Variants in IGSF11 observed in about 807,000 individuals in gnomAD.
IGSF11 encodes immunoglobulin superfamily member 11.
Under a neutral mutation model 41.0 loss-of-function variants are expected in IGSF11, and 22 were observed. The ratio of observed to expected loss-of-function variants is 0.54; its 90% CI spans 0.38 to 0.77. The LOEUF (loss-of-function observed/expected upper bound fraction) is 0.77. Ranked by LOEUF, IGSF11 falls within the 30% of genes least tolerant of loss-of-function variation. The probability of loss-of-function intolerance (pLI) is 0.00; values close to 1 mark genes in which losing one functional copy is unlikely to be tolerated. For missense variants in IGSF11, 444 were observed against 530.8 expected (o/e 0.84, Z 1.61); for synonymous variants, 219 against 201.3 (o/e 1.09, Z -0.74).
chr3:118,914,599 G>T (rs1436856138), intron 4 of IGSF11, among the ~76,000 whole-genome samples: 1 of 150,152 alleles, frequency 6.7e-6, no homozygotes, highest in Non-Finnish European at 1.5e-5. Context: ...TGGCTCGGAG[G>T]GTCCTACGCC....
At chr3:119,083,987 T>G (rs1479031969) in intron 1 of IGSF11, among the ~76,000 whole-genome samples, 1 of 152,072 alleles carries the variant, frequency 6.6e-6, no homozygotes, top group Non-Finnish European at 1.5e-5. Flanking sequence ...GACCTTCCAG[T>G]GAGACAAAAT....
At chr3:119,032,725 A>C (rs1345042742) in intron 1 of IGSF11, among the ~76,000 whole-genome samples, 2 of 152,240 alleles carry the variant, frequency 1.3e-5, no homozygotes, top group African/African-American at 4.8e-5. Context: ...TTTTCCAAGA[A>C]GTCTTACTTG....
chr3:119,109,375 G>A (rs577729618), upstream of IGSF11, among the ~76,000 whole-genome samples: 50 of 151,942 alleles, frequency 3.3e-4, no homozygotes, highest in South Asian at 2.1e-3. Context: ...GTTTATTTGC[G>A]TAGAGGTGTT....
chr3:118,921,693 C>A (rs369794402), intron 4 of IGSF11, among the ~76,000 whole-genome samples: 2 of 152,106 alleles, frequency 1.3e-5, no homozygotes, highest in South Asian at 2.1e-4. Flanking sequence ...TCCACTGTCT[C>A]CAGAACTTAC....
At chr3:118,998,272 T>C (rs1576592908) in intron 1 of IGSF11, among the ~76,000 whole-genome samples, 1 of 152,144 alleles carries the variant, frequency 6.6e-6, no homozygotes, top group East Asian at 1.9e-4. Flanking sequence ...GATTTACACT[T>C]GGTTTTAAAT....
intron 1 of IGSF11, among the ~76,000 whole-genome samples, chr3:118,951,480 G>A (rs773727256): frequency 1.3e-5 from 2 of 152,092 alleles, no homozygotes; most frequent in Non-Finnish European, 1.5e-5. Flanking sequence ...CCTACAAAAT[G>A]TGGTAATATT....
chr3:119,079,148 A>G (rs1290120542), intron 1 of IGSF11, among the ~76,000 whole-genome samples: 1 of 152,158 alleles, frequency 6.6e-6, no homozygotes, highest in Non-Finnish European at 1.5e-5. Context: ...ACCTGAGGTC[A>G]GGAGTTGGAG....
At chr3:119,129,076 C>T (rs187236929) in intron 1 of IGSF11, among the ~76,000 whole-genome samples, 2 of 152,216 alleles carry the variant, frequency 1.3e-5, no homozygotes, top group East Asian at 1.9e-4. Context: ...AACCAAACAC[C>T]GCATATTCTC....
chr3:118,924,988 C>T (rs1259422537), intron 4 of IGSF11, among the ~76,000 whole-genome samples: 1 of 152,094 alleles, frequency 6.6e-6, no homozygotes. Flanking sequence ...AATCATTCCA[C>T]AAAAGCAGCT....
intron 1 of IGSF11, among the ~76,000 whole-genome samples, chr3:119,060,024 T>C (rs1282988468): frequency 6.6e-6 from 1 of 152,206 alleles, no homozygotes; most frequent in East Asian, 1.9e-4. Context: ...TGCCAGGAGC[T>C]GTCCAGTGAG....
At position 118,900,716 on chromosome 3, in the gene IGSF11, T is replaced by G. The variant is rs1056582334; in HGVS notation, c.*1804A>C. ...TAAATGCTTTCTAAACAGCATCTGA[T>G]AGCATCATCTTTTCAGTGTCATGGT... On this transcript the variant is annotated 3_prime_UTR_variant, in exon 7 of 7. Transcript: ENST00000393775. 6.6e-6 allele frequency: 1 copy of G among 152,610 alleles called. No individual in the cohort carries two copies. Among genetic ancestry groups the G allele is most frequent in the African/African-American group, 2.4e-5 (1 of 41,458 alleles). The allele number at this position is 152,610 out of a possible 1,614,324, so 9.5% of individuals were successfully genotyped here. A position where few individuals can be genotyped will look rare whatever the true frequency, so the allele number is the denominator to read the frequency against.
chr3:118,979,834 C>T (rs1348098405), intron 1 of IGSF11, among the ~76,000 whole-genome samples: 1 of 151,950 alleles, frequency 6.6e-6, no homozygotes, highest in Non-Finnish European at 1.5e-5. Flanking sequence ...ATATTAATAG[C>T]ATGTAAAAAG....
At chr3:119,070,980 G>A (rs1427914697) in intron 1 of IGSF11, among the ~76,000 whole-genome samples, 1 of 152,158 alleles carries the variant, frequency 6.6e-6, no homozygotes, top group Non-Finnish European at 1.5e-5. Context: ...CCTACAGTAG[G>A]TAGAGAACAG....
At chr3:119,122,985 T>C (rs1417315103) in intron 1 of IGSF11, among the ~76,000 whole-genome samples, 2 of 152,178 alleles carry the variant, frequency 1.3e-5, no homozygotes, top group East Asian at 1.9e-4. Flanking sequence ...AAAGGGGACT[T>C]TGGCTTGCAT....
At chr3:119,088,053 T>C (rs1378764854) in intron 1 of IGSF11, among the ~76,000 whole-genome samples, 1 of 152,014 alleles carries the variant, frequency 6.6e-6, no homozygotes, top group Non-Finnish European at 1.5e-5. Flanking sequence ...GACTTAAACT[T>C]GACACTTGAT....
chr3:118,957,540 T>C (rs1024836904), intron 1 of IGSF11, among the ~76,000 whole-genome samples: 1 of 152,230 alleles, frequency 6.6e-6, no homozygotes, highest in African/African-American at 2.4e-5. Flanking sequence ...TATTCTCTTA[T>C]CAGAATCAAA....
rs773904519 is a variant in IGSF11 at position 118,909,632 on chromosome 3, G to A, written c.581-3914C>T. On this transcript the variant is annotated intron_variant, in intron 4 of 6. Transcript: ENST00000393775. ...GGGAAAGAACCTGTTCCCATTAATA[G>A]AATTTCCAAGGGCACCGTCCAGATG... 2.0e-5 allele frequency among the ~76,000 whole-genome samples: 3 copies of A among 152,346 alleles called. No homozygotes were observed. The South Asian group carries it at 6.2e-4, about 32-fold the overall frequency.
chr3:118,980,386 C>T (rs1934590984), intron 1 of IGSF11, among the ~76,000 whole-genome samples: 1 of 152,134 alleles, frequency 6.6e-6, no homozygotes, highest in South Asian at 2.1e-4. Flanking sequence ...ACAGATGGAA[C>T]TGTAAGTCAT....
At chr3:119,094,874 A>G (rs372171400) in intron 1 of IGSF11, among the ~76,000 whole-genome samples, 46 of 151,964 alleles carry the variant, frequency 3.0e-4, no homozygotes, top group African/African-American at 1.1e-3. Context: ...CTTTCACCAC[A>G]TTGGCCAGGC....
Sources: allele counts gnomAD v4.1 joint callset (sites outside exome capture counted in the v4.1 genomes callset), GRCh38; gene constraint gnomAD v4.1.1; transcripts MANE v1.5; gene names NCBI Gene and HGNC (gene_info 2026-07-23, HGNC 2026-07-21).